LPP: variants seen among roughly 807,000 people sequenced by gnomAD.
LPP encodes the protein lipoma-preferred partner.
In LPP, 38 loss-of-function variants were observed where a neutral mutation model predicts 60.4. That is an observed-to-expected ratio of 0.63 (90% CI 0.49 to 0.83). LPP has a LOEUF of 0.83. LPP is among the 40% of genes least tolerant of loss of function. LPP has a pLI of 0.00. For missense variants in LPP, 902 were observed against 783.6 expected (o/e 1.15, Z -1.80); for synonymous variants, 328 against 290.8 (o/e 1.13, Z -1.30).
chr3:188,387,394 AATG>A (rs1347704080), intron 3 of LPP, among the ~76,000 whole-genome samples: 2 of 152,200 alleles, frequency 1.3e-5, no homozygotes, highest in African/African-American at 4.8e-5. Context: ...CATATTCTTG[AATG>A]ATTACAATTT....
At position 188,768,707 on chromosome 3, in the gene LPP, G is replaced by A. The variant is rs574848266; in HGVS notation, c.1410+8425G>A. Among the ~76,000 whole-genome samples the A allele has an allele frequency of 2.6e-5, 4 of 152,244 alleles. No individual in the cohort carries two copies. In the South Asian group the frequency reaches 8.3e-4, roughly 31 times the overall value. On this transcript the variant is annotated intron_variant, in intron 9 of 11. Transcript: ENST00000617246. ...CATAATGACAAAGGTCCATGTACCTGTTATCCAATTTAAGAAATAAAACAT... is the reference window on the plus strand; with the variant it reads ...CATAATGACAAAGGTCCATGTACCTATTATCCAATTTAAGAAATAAAACAT...
intron 8 of LPP, among the ~76,000 whole-genome samples, chr3:188,737,690 G>A (rs546080298): frequency 1.3e-5 from 2 of 152,098 alleles, no homozygotes; most frequent in Non-Finnish European, 2.9e-5. Flanking sequence ...CTTTGGCTAC[G>A]GTTTGCTGCT....
chr3:188,355,935 A>G (rs539941033), intron 3 of LPP, among the ~76,000 whole-genome samples: 3 of 152,288 alleles, frequency 2.0e-5, no homozygotes, highest in South Asian at 2.1e-4. Context: ...AAAGGCGGCT[A>G]TGTTTTGCTG....
At chr3:188,470,755 T>C (rs1175932382) in intron 4 of LPP, among the ~76,000 whole-genome samples, 2 of 151,990 alleles carry the variant, frequency 1.3e-5, no homozygotes, top group African/African-American at 4.8e-5. Flanking sequence ...GAGACAGAGG[T>C]GTGAGCAAAG....
chr3:188,611,784 T>A (rs1352929009), intron 7 of LPP, among the ~76,000 whole-genome samples: 7 of 152,214 alleles, frequency 4.6e-5, no homozygotes, highest in Non-Finnish European at 7.3e-5. Context: ...AGTCTTCAGA[T>A]GTTGTTTTCT....
chr3:188,770,165 A>ATTATTTTTTTTTTTTTTTTTTTT (rs1560181309), intron 9 of LPP, among the ~76,000 whole-genome samples: 1 of 122,986 alleles, frequency 8.1e-6, no homozygotes, highest in African/African-American at 3.2e-5. Flanking sequence ...CATAGTTATA[A>ATTATTTTTTTTTTTTTTTTTTTT]TTCTTTTTTT....
chr3:188,777,001 T>C (rs1186324743), intron 9 of LPP, among the ~76,000 whole-genome samples: 3 of 152,228 alleles, frequency 2.0e-5, no homozygotes, highest in African/African-American at 7.2e-5. Flanking sequence ...TACCATTAGA[T>C]GGTATTAAGC....
At chr3:188,710,145 C>G (rs575603245) in intron 8 of LPP, 2 of 152,206 alleles carry the variant, frequency 1.3e-5, no homozygotes, top group East Asian at 1.9e-4. Context: ...GTCTTTTTTG[C>G]TCCTATATGG....
intron 2 of LPP, among the ~76,000 whole-genome samples, chr3:188,288,176 A>G (rs1197601864): frequency 6.6e-6 from 1 of 152,246 alleles, no homozygotes; most frequent in South Asian, 2.1e-4. Flanking sequence ...GAAATTAGAA[A>G]GCATTGCCTC....
At chr3:188,769,899 C>A (rs140052375) in intron 9 of LPP, among the ~76,000 whole-genome samples, 4 of 152,152 alleles carry the variant, frequency 2.6e-5, no homozygotes, top group Non-Finnish European at 5.9e-5. Flanking sequence ...TTAAATGCCT[C>A]TGAAACTTTA....
At chr3:188,195,997 T>A (rs1729428910) in intron 1 of LPP, among the ~76,000 whole-genome samples, 1 of 152,242 alleles carries the variant, frequency 6.6e-6, no homozygotes, top group African/African-American at 2.4e-5. Flanking sequence ...TAACCCATTC[T>A]GGTCGGATGG....
chr3:188,573,749 G>A (rs1834006962), intron 6 of LPP, among the ~76,000 whole-genome samples: 1 of 151,946 alleles, frequency 6.6e-6, no homozygotes, highest in Admixed American at 6.6e-5. Context: ...GGGGTTGCGG[G>A]GTATAGAGCT....
chr3:188,321,858 A>G lies in LPP; in HGVS notation c.-66-19805A>G, dbSNP rs79230228. Among the ~76,000 whole-genome samples, 1,376 of 152,336 alleles carry G rather than the reference A, an allele frequency of 9.0e-3. 12 individuals carry two copies. Among genetic ancestry groups the G allele is most frequent in the African/African-American group, 0.031 (1,295 of 41,572 alleles). On this transcript the variant is annotated intron_variant, in intron 2 of 11. Coordinates refer to ENST00000617246, the MANE Select transcript of LPP (RefSeq NM_001375462.1). Reference sequence around the variant, plus strand: ...AACTTTGTGAAGCTACCTTGTATTTATGGTTGGAAGAGTGAAATACCTTTA... The same window carrying G: ...AACTTTGTGAAGCTACCTTGTATTTGTGGTTGGAAGAGTGAAATACCTTTA...
rs71169028 is a variant in LPP, at chr3:188,883,732, CAA to C, written c.*9274_*9275del. 389 of 70,300 alleles carry C rather than the reference CAA, an allele frequency of 5.5e-3. No homozygotes were observed. The highest frequency in any genetic ancestry group is 0.028 in the East Asian group (129 of 4,612). The allele number at this position is 70,300 out of a possible 1,614,324, so 4.4% of individuals were successfully genotyped here. ...TGGGCGACAGAACGAGACTCCGTCT[CAA>C]AAAAAAAAAAAAAAAAAAAAGGTTG... On this transcript the variant is annotated 3_prime_UTR_variant, in exon 12 of 12. Coordinates refer to ENST00000617246, the MANE Select transcript of LPP (RefSeq NM_001375462.1).
intron 3 of LPP, among the ~76,000 whole-genome samples, chr3:188,380,025 G>A (rs1001443786): frequency 6.6e-6 from 1 of 152,130 alleles, no homozygotes; most frequent in African/African-American, 2.4e-5. Context: ...GGAATGATAT[G>A]ACTAGAGATG....
chr3:188,592,563 T>TTTTTTTGG lies in LPP; in HGVS notation c.430-16598_430-16597insTTTTTTGG. ...TGTTTTTAGTTTTGTTTTTGTTTTT[T>TTTTTTTGG]AAATGGAGTCTCACTCTTTCTCCCA... is the stretch of plus-strand genomic sequence containing the variant. On this transcript the variant is annotated intron_variant, in intron 6 of 11. Transcript: ENST00000617246. 1.2e-3 allele frequency among the ~76,000 whole-genome samples: 95 copies of TTTTTTTGG among 77,242 alleles called. 21 individuals are homozygous for TTTTTTTGG. Among genetic ancestry groups the TTTTTTTGG allele is most frequent in the Middle Eastern group, 7.1e-3 (1 of 140 alleles). 50.7% of individuals were successfully genotyped at this position (77,242 alleles called of 152,430 possible).
At chr3:188,283,126 G>A (rs1168535085) in intron 2 of LPP, among the ~76,000 whole-genome samples, 1 of 152,146 alleles carries the variant, frequency 6.6e-6, no homozygotes, top group Non-Finnish European at 1.5e-5. Flanking sequence ...AGAGGCACAA[G>A]GAGAGGTGGT....
chr3:188,739,194 C>A (rs1399378823), intron 8 of LPP, among the ~76,000 whole-genome samples: 1 of 151,902 alleles, frequency 6.6e-6, no homozygotes, highest in Non-Finnish European at 1.5e-5. Flanking sequence ...TTATAAACAA[C>A]CCTATGAAAA....
At chr3:188,318,860 G>A (rs952339542) in intron 2 of LPP, among the ~76,000 whole-genome samples, 5 of 143,052 alleles carry the variant, frequency 3.5e-5, no homozygotes, top group African/African-American at 1.3e-4. Context: ...CCGGGTTCAC[G>A]CCATTCTCCT....
Sources: allele counts gnomAD v4.1 joint callset (sites outside exome capture counted in the v4.1 genomes callset), GRCh38; gene constraint gnomAD v4.1.1; transcripts MANE v1.5; gene names NCBI Gene and HGNC (gene_info 2026-07-23, HGNC 2026-07-21).